Variants in CACNA1D observed in about 807,000 individuals in gnomAD.
The protein encoded by CACNA1D is voltage-dependent L-type calcium channel subunit alpha-1D.
CACNA1D carries 55 observed loss-of-function variants against 257.1 expected under a neutral mutation model. The ratio of observed to expected loss-of-function variants is 0.21; its 90% CI spans 0.17 to 0.27. The LOEUF (loss-of-function observed/expected upper bound fraction) is 0.27, where lower values mean the gene tolerates loss of function less well. Among genes scored for constraint, CACNA1D ranks in the 10% least tolerant of loss-of-function variants. CACNA1D has a pLI of 1.00. For synonymous variants in CACNA1D, 980 were observed against 1,014.9 expected, an observed-to-expected ratio of 0.97 and a Z score of 0.65; for missense variants, 1,876 against 2,784.0, an observed-to-expected ratio of 0.67 and a Z score of 7.34.
At chr3:53,662,377 T>G (rs2094212222) in intron 5 of CACNA1D, among the ~76,000 whole-genome samples, 1 of 152,134 alleles carries the variant, frequency 6.6e-6, no homozygotes, top group Non-Finnish European at 1.5e-5. Context: ...ACGTCCCCCA[T>G]TCTCTCCACA....
At chr3:53,769,363 G>A (rs759232871) in intron 30 of CACNA1D, among the ~76,000 whole-genome samples, 6 of 152,242 alleles carry the variant, frequency 3.9e-5, no homozygotes, top group Admixed American at 1.3e-4. Context: ...AGCTGTCTGA[G>A]CTGTGGGGCA....
At position 53,497,418 on chromosome 3, in the gene CACNA1D, A is replaced by G. The variant is rs1018065755; in HGVS notation, c.334A>G (p.Asn112Asp). 2 of 1,614,186 alleles carry G rather than the reference A, an allele frequency of 1.2e-6. No individual in the cohort carries two copies. The highest frequency in any genetic ancestry group is 1.7e-6 in the Non-Finnish European group (2 of 1,180,038). Residue 112 changes from asparagine (N) to aspartate (D), a missense_variant, in exon 2 of 48, where the codon AAT becomes GAT. Around this residue, in one of 10 missense-constraint regions of CACNA1D, gnomAD observed 143 missense variants for 168.7 expected, o/e 0.85. Transcript: ENST00000350061. ...CCGCGCCCTTTTCTGTTTATCACTC[A>G]ATAACCCCATCCGAAGAGCCTGCAT... is the stretch of plus-strand genomic sequence containing the variant. The part of the protein sequence containing the change: ...PARALFCLSL[N>D]NPIRRACISI...
intron 3 of CACNA1D, among the ~76,000 whole-genome samples, chr3:53,556,817 G>C (rs1206007539): frequency 6.6e-6 from 1 of 151,914 alleles, no homozygotes; most frequent in African/African-American, 2.4e-5. Context: ...CTGGGTTCAA[G>C]TGATTCTCCT....
chr3:53,498,430 T>C (rs1478226610), intron 2 of CACNA1D, among the ~76,000 whole-genome samples: 1 of 152,220 alleles, frequency 6.6e-6, no homozygotes, highest in Non-Finnish European at 1.5e-5. Context: ...CAGAGAAGGT[T>C]GACTGAGGCC....
At position 53,549,375 on chromosome 3, in the gene CACNA1D, G is replaced by T. The variant is rs978618318; in HGVS notation, c.483+47655G>T. On this transcript the variant is annotated intron_variant, in intron 3 of 47. Transcript: ENST00000350061. ...TACATACTCATAGGCCCTTGAGACC[G>T]TGTGGATATAGTGAACCCAACTCTT... is the stretch of plus-strand genomic sequence containing the variant. Among the ~76,000 whole-genome samples the T allele has an allele frequency of 2.0e-5, 3 of 152,192 alleles. No homozygotes were observed. The East Asian group carries it at 5.8e-4, about 29-fold the overall frequency.
At position 53,723,912 on chromosome 3, in the gene CACNA1D, G is replaced by T; in HGVS notation, c.2013G>T (p.Leu671=). 6.2e-7 allele frequency: 1 copy of T among 1,614,144 alleles called. No homozygotes were observed. Among genetic ancestry groups the T allele is most frequent in the Non-Finnish European group, 8.5e-7 (1 of 1,180,008 alleles). The change falls in exon 14 of 48, where the codon CTG becomes CTT. Residue 671 remains leucine, a synonymous_variant. Coordinates refer to ENST00000350061, the MANE Select transcript of CACNA1D (RefSeq NM_001128840.3). This position sits in a 1 kb window ranked among gnomAD's most constrained non-coding sequence, Gnocchi z 5.6. ...TCTTTTCCTTGCTTGGGATGCAGCT[G>T]TTTGGCGGCAAGTTTAATTTTGATG... ...IIIFSLLGMQ[L]FGGKFNFDET...
Position 53,710,997 on chromosome 3 carries a change from G to A in CACNA1D, c.1391-7304G>A, listed in dbSNP as rs1016562326. On this transcript the variant is annotated intron_variant, in intron 9 of 47. Transcript: ENST00000350061. ...TGTAATTCCAGCACTTTAGGAAGCC[G>A]AGGCAGGAGGATCACTTGAAGCCAG... 2.6e-5 allele frequency among the ~76,000 whole-genome samples: 4 copies of A among 152,168 alleles called. No homozygotes were observed. In the East Asian group the frequency reaches 5.8e-4, roughly 22 times the overall value.
rs1392792586 is a variant in CACNA1D, at chr3:53,801,063, T to C, written c.5046T>C (p.Asn1682=). ...TGTCTCCCATTATTTTGCAGAGAAA[T>C]GGTGCCCTGCTTGGAAACCATGTCA... is the stretch of plus-strand genomic sequence containing the variant. ...REEEDDVFKR[N]GALLGNHVNH... Residue 1682 remains asparagine, a synonymous_variant, in exon 42 of 48, where the codon AAT becomes AAC. Coordinates refer to ENST00000350061, the MANE Select transcript of CACNA1D (RefSeq NM_001128840.3). 1.2e-6 allele frequency: 2 copies of C among 1,613,946 alleles called. No homozygotes were observed. The highest frequency in any genetic ancestry group is 4.5e-5 in the East Asian group (2 of 44,872).
intron 29 of CACNA1D, among the ~76,000 whole-genome samples, chr3:53,761,749 T>A (rs1481908443): frequency 1.3e-5 from 2 of 151,422 alleles, no homozygotes; most frequent in Non-Finnish European, 3.0e-5. Flanking sequence ...ACCGTGAGTG[T>A]GTGTGTGTGT....
At chr3:53,511,385 G>A (rs1575713113) in intron 3 of CACNA1D, among the ~76,000 whole-genome samples, 1 of 152,138 alleles carries the variant, frequency 6.6e-6, no homozygotes, top group South Asian at 2.1e-4. Flanking sequence ...GACACACAGG[G>A]TTTTTATCCT....
At chr3:53,588,681 G>C (rs905246919) in intron 3 of CACNA1D, among the ~76,000 whole-genome samples, 1 of 152,150 alleles carries the variant, frequency 6.6e-6, no homozygotes, top group Non-Finnish European at 1.5e-5. Context: ...TACAGGACTG[G>C]CTAGCTGCTT....
intron 3 of CACNA1D, among the ~76,000 whole-genome samples, chr3:53,555,466 T>TTG (rs1343532481): frequency 1.0e-5 from 1 of 97,122 alleles, no homozygotes; most frequent in South Asian, 2.8e-4. Flanking sequence ...GTGTGTTTTT[T>TTG]TTTTTTTTTT....
At chr3:53,560,801 C>T (rs941079083) in intron 3 of CACNA1D, among the ~76,000 whole-genome samples, 6 of 152,176 alleles carry the variant, frequency 3.9e-5, no homozygotes, top group Admixed American at 6.5e-5. Context: ...GGCCAGATTT[C>T]GCCCATGGGC....
chr3:53,791,587 C>T lies in CACNA1D; in HGVS notation c.4923+4635C>T, dbSNP rs41277445. On this transcript the variant is annotated intron_variant, in intron 40 of 47. Coordinates refer to ENST00000350061, the MANE Select transcript of CACNA1D (RefSeq NM_001128840.3). ...CCGCCATGACCTCCTGAGCGTCCGG[C>T]CCTGCTCTCTGCAGAGACCCAGTCC... 158 of 153,910 alleles carry T rather than the reference C, an allele frequency of 1.0e-3. 1 individual carries two copies. Among genetic ancestry groups the T allele is most frequent in the Middle Eastern group, 3.4e-3 (1 of 296 alleles). 9.5% of individuals were successfully genotyped at this position (153,910 alleles called of 1,614,324 possible).
intron 8 of CACNA1D, among the ~76,000 whole-genome samples, chr3:53,698,404 T>C (rs1003985871): frequency 1.3e-5 from 2 of 152,248 alleles, no homozygotes; most frequent in African/African-American, 4.8e-5. Flanking sequence ...CATTTGTTTG[T>C]AGTTCATCCC....
chr3:53,526,834 G>A (rs2107406016), intron 3 of CACNA1D, among the ~76,000 whole-genome samples: 1 of 152,298 alleles, frequency 6.6e-6, no homozygotes. Context: ...CTGGAACATA[G>A]TACATCGTGC....
intron 3 of CACNA1D, among the ~76,000 whole-genome samples, chr3:53,610,379 G>A (rs572626829): frequency 2.6e-5 from 4 of 152,282 alleles, no homozygotes; most frequent in South Asian, 4.1e-4. Context: ...TATCTTTTCA[G>A]TTGTGTCAGT....
At chr3:53,786,399 G>T (rs2095453127) in intron 39 of CACNA1D, 3 of 193,524 alleles carry the variant, frequency 1.6e-5, no homozygotes, top group Non-Finnish European at 3.2e-5. Flanking sequence ...GATTTGGACG[G>T]TTAATTGCCC....
intron 3 of CACNA1D, among the ~76,000 whole-genome samples, chr3:53,585,754 C>T (rs2093204465): frequency 6.6e-6 from 1 of 152,158 alleles, no homozygotes; most frequent in Non-Finnish European, 1.5e-5. Context: ...CTGGTCCACG[C>T]AGACAGGGCT....
Sources: gnomAD v4.1 joint callset for allele counts (sites outside exome capture counted in the v4.1 genomes callset) on GRCh38, gnomAD v4.1.1 for gene constraint, gnomAD v4.1.1 regional missense constraint, Gnocchi (gnomAD v3.1) non-coding constraint, MANE v1.5 for transcripts, NCBI Gene and HGNC (gene_info 2026-07-23, HGNC 2026-07-21) for gene names.